The following OR1E1 variants were observed in gnomAD, a reference collection of about 807,000 sequenced individuals.
The protein encoded by OR1E1 is olfactory receptor 1E1.
For missense variants in OR1E1, 330 were observed against 381.0 expected (o/e 0.87, Z 1.11); for synonymous variants, 125 against 153.1 (o/e 0.82, Z 1.36).
In OR1E1 at chr17:3,397,552, G is replaced by A; in HGVS notation, c.859C>T (p.Pro287Ser). 1.2e-6 allele frequency: 2 copies of A among 1,614,090 alleles called. No homozygotes were observed. The highest frequency in any genetic ancestry group is 1.7e-6 in the Non-Finnish European group (2 of 1,180,018). Residue 287 changes from proline (P) to serine (S), a missense_variant, in exon 1 of 1, where the codon CCC becomes TCC. Physicochemically the swap from Pro to Ser is moderately conservative, Grantham distance 74. Coordinates refer to ENST00000322608, the MANE Select transcript of OR1E1 (RefSeq NM_003553.3). ...MYTVVTPMLNPFIYSLRNRDM... is the reference protein window; with the variant it reads ...MYTVVTPMLNSFIYSLRNRDM... ...CTGTTCCTCAGGCTGTAGATGAAGGGGTTCAGCATGGGGGTCACCACAGTG... is the reference window on the plus strand; with the variant it reads ...CTGTTCCTCAGGCTGTAGATGAAGGAGTTCAGCATGGGGGTCACCACAGTG...
rs375092207 is a variant in OR1E1 at position 3,397,277 on chromosome 17, T to C, written c.*189A>G. ...CCTTGGGAAGACAAACAGGAAGTCT[T>C]AGCCAGGTCACCAAGACCCTCTTCC... On this transcript the variant is annotated 3_prime_UTR_variant, in exon 1 of 1. Transcript: ENST00000322608. 25 of 544,676 alleles carry C rather than the reference T, an allele frequency of 4.6e-5. No individual in the cohort carries two copies. Among genetic ancestry groups the C allele is most frequent in the East Asian group, 2.9e-4 (10 of 34,556 alleles). 33.7% of individuals were successfully genotyped at this position (544,676 alleles called of 1,614,324 possible). A position where few individuals can be genotyped will look rare whatever the true frequency, so the allele number is the denominator to read the frequency against.
In OR1E1 at chr17:3,398,373, A is replaced by C; in HGVS notation, c.38T>G (p.Leu13Arg). ...TGGTTGGATGGGCAGGCCCAGGAGCAGGAAGTCTGAGATGCTGGTTTGATT... is the reference window on the plus strand; with the variant it reads ...TGGTTGGATGGGCAGGCCCAGGAGCCGGAAGTCTGAGATGCTGGTTTGATT... ...GQNQTSISDF[L>R]LLGLPIQPEQ... The change falls in exon 1 of 1, where the codon CTG (leucine) becomes CGG (arginine). Residue 13 changes from leucine to arginine, a missense_variant. Coordinates refer to ENST00000322608, the MANE Select transcript of OR1E1 (RefSeq NM_003553.3). The C allele has an allele frequency of 6.2e-7, 1 of 1,610,762 alleles. No individual in the cohort carries two copies. Among genetic ancestry groups the C allele is most frequent in the East Asian group, 2.2e-5 (1 of 44,804 alleles).
chr17:3,398,055 G>A lies in OR1E1; in HGVS notation c.356C>T (p.Ala119Val). ...DLESFLLVAMAYDRYVAICFP... is the reference protein window; with the variant it reads ...DLESFLLVAMVYDRYVAICFP... ...GCAGATGGCCACATAGCGGTCATAGGCCATGGCCACAAGGAGGAAGCTCTC... is the reference window on the plus strand; with the variant it reads ...GCAGATGGCCACATAGCGGTCATAGACCATGGCCACAAGGAGGAAGCTCTC... Residue 119 changes from alanine to valine, a missense_variant, in exon 1 of 1, where the codon GCC becomes GTC. By Grantham distance (64) the Ala-to-Val change is moderately conservative. Transcript: ENST00000322608. 1.2e-6 allele frequency: 2 copies of A among 1,614,220 alleles called. No individual in the cohort carries two copies. Among genetic ancestry groups the A allele is most frequent in the Non-Finnish European group, 1.7e-6 (2 of 1,180,024 alleles).
chr17:3,398,167 A>G lies in OR1E1; in HGVS notation c.244T>C (p.Leu82=), dbSNP rs748067273. Residue 82 remains leucine (L), a synonymous_variant, in exon 1 of 1, where the codon TTA becomes CTA. Coordinates refer to ENST00000322608, the MANE Select transcript of OR1E1 (RefSeq NM_003553.3). ...GGGTCCTGGTTCTGCATGTTCTGTAACAACTTGGGAATGGTCACGGAAGAG... is the reference window on the plus strand; with the variant it reads ...GGGTCCTGGTTCTGCATGTTCTGTAGCAACTTGGGAATGGTCACGGAAGAG... ...CFSSVTIPKL[L]QNMQNQDPSI... 3.7e-6 allele frequency: 6 copies of G among 1,614,118 alleles called. No homozygotes were observed. The South Asian group carries it at 4.4e-5, about 12-fold the overall frequency.
rs1272489627 is a variant in OR1E1, at chr17:3,397,862, A to G, written c.549T>C (p.Ala183=). The G allele has an allele frequency of 6.2e-7, 1 of 1,614,094 alleles. No homozygotes were observed. The highest frequency in any genetic ancestry group is 8.5e-7 in the Non-Finnish European group (1 of 1,180,026). Reference sequence around the variant, plus strand: ...TGTCAGAGAAGGCCAGCTTCAGCAGAGCAGACATATCACAGAAAAAGTGGG... The same window carrying G: ...TGTCAGAGAAGGCCAGCTTCAGCAGGGCAGACATATCACAGAAAAAGTGGG... The part of the protein sequence containing the change: ...VIPHFFCDMS[A]LLKLAFSDTR... The change falls in exon 1 of 1, where the codon GCT becomes GCC. Residue 183 remains alanine (A), a synonymous_variant. Transcript: ENST00000322608.
Position 3,398,234 on chromosome 17 carries a change from C to T in OR1E1, c.177G>A (p.Met59Ile), listed in dbSNP as rs750632198. ...AGGACAAGTTGCTGAGAAACAAATA[C>T]ATAGGCGTGTGGAGATGGGAGTCCA... ...IRLDSHLHTP[M>I]YLFLSNLSFS... Residue 59 changes from methionine (M) to isoleucine (I), a missense_variant, in exon 1 of 1, where the codon ATG (methionine) becomes ATA (isoleucine). Coordinates refer to ENST00000322608, the MANE Select transcript of OR1E1 (RefSeq NM_003553.3). 1 of 1,614,182 alleles carries T rather than the reference C, an allele frequency of 6.2e-7. No individual in the cohort carries two copies. Among genetic ancestry groups the T allele is most frequent in the Non-Finnish European group, 8.5e-7 (1 of 1,180,024 alleles).
Position 3,397,607 on chromosome 17 carries a change from A to C in OR1E1, c.804T>G (p.Thr268=). 3.7e-6 allele frequency: 6 copies of C among 1,614,124 alleles called. No individual in the cohort carries two copies. Among genetic ancestry groups the C allele is most frequent in the Non-Finnish European group, 5.1e-6 (6 of 1,180,030 alleles). ...TCATAGCCATGACAGTGTCCTTTAG[A>C]GTAGAACTATTAGCTGATGAGCATA... is the stretch of plus-strand genomic sequence containing the variant. ...LYLCSSANSS[T]LKDTVMAMMY... The change falls in exon 1 of 1, where the codon ACT becomes ACG. Residue 268 remains threonine (T), a synonymous_variant. Transcript: ENST00000322608.
In OR1E1 at chr17:3,397,897, T is replaced by C. The variant is rs1443745778; in HGVS notation, c.514A>G (p.Asn172Asp). The change falls in exon 1 of 1, where the codon AAT becomes GAT. Residue 172 changes from asparagine (N) to aspartate (D), a missense_variant. Coordinates refer to ENST00000322608, the MANE Select transcript of OR1E1 (RefSeq NM_003553.3). ...LMARLCFCAD[N>D]VIPHFFCDMS... ...TCACAGAAAAAGTGGGGGATCACAT[T>C]GTCTGCACAAAAACACAACCTGGCC... is the stretch of plus-strand genomic sequence containing the variant. 1 of 1,613,988 alleles carries C rather than the reference T, an allele frequency of 6.2e-7. No homozygotes were observed. Among genetic ancestry groups the C allele is most frequent in the African/African-American group, 1.3e-5 (1 of 74,894 alleles).
Position 3,398,175 on chromosome 17 carries a change from G to A in OR1E1, c.236C>T (p.Pro79Leu), listed in dbSNP as rs2049861132. The A allele has an allele frequency of 6.2e-7, 1 of 1,614,106 alleles. No homozygotes were observed. The highest frequency in any genetic ancestry group is 1.7e-5 in the Admixed American group (1 of 60,002). The change falls in exon 1 of 1, where the codon CCC (proline) becomes CTC (leucine). Residue 79 changes from proline (P) to leucine (L), a missense_variant. Coordinates refer to ENST00000322608, the MANE Select transcript of OR1E1 (RefSeq NM_003553.3). Reference protein sequence around the residue: ...SDLCFSSVTIPKLLQNMQNQD... With the variant: ...SDLCFSSVTILKLLQNMQNQD... ...GTTCTGCATGTTCTGTAACAACTTG[G>A]GAATGGTCACGGAAGAGAAGCAGAG...
At position 3,398,334 on chromosome 17, in the gene OR1E1, A is replaced by T. The variant is rs963834833; in HGVS notation, c.77T>A (p.Leu26Gln). ...GLPIQPEQQN[L>Q]CYALFLAMYL... ...CATGGCCAAGAACAGGGCATAGCAC[A>T]GGTTTTGCTGCTCTGGTTGGATGGG... Residue 26 changes from leucine to glutamine, a missense_variant, in exon 1 of 1, where the codon CTG becomes CAG. Physicochemically the swap from Leu to Gln is moderately radical, Grantham distance 113. Transcript: ENST00000322608. 1 of 1,614,106 alleles carries T rather than the reference A, an allele frequency of 6.2e-7. No individual in the cohort carries two copies. Among genetic ancestry groups the T allele is most frequent in the Non-Finnish European group, 8.5e-7 (1 of 1,179,944 alleles).
At position 3,397,401 on chromosome 17, in the gene OR1E1, T is replaced by C. The variant is rs899533824; in HGVS notation, c.*65A>G. 3.4e-6 allele frequency: 4 copies of C among 1,183,096 alleles called. No homozygotes were observed. The highest frequency in any genetic ancestry group is 3.2e-5 in the African/African-American group (2 of 61,910). 73.3% of individuals were successfully genotyped at this position (1,183,096 alleles called of 1,614,324 possible). A position where few individuals can be genotyped will look rare whatever the true frequency, so the allele number is the denominator to read the frequency against. ...AGGATGGTGAGGAAATAATTTAGAA[T>C]AATATTCCAATATTAATATCAATAT... On this transcript the variant is annotated 3_prime_UTR_variant, in exon 1 of 1. Coordinates refer to ENST00000322608, the MANE Select transcript of OR1E1 (RefSeq NM_003553.3).
In OR1E1 at chr17:3,398,293, G is replaced by C; in HGVS notation, c.118C>G (p.Leu40Val). 1.9e-6 allele frequency: 3 copies of C among 1,614,164 alleles called. No homozygotes were observed. Among genetic ancestry groups the C allele is most frequent in the Non-Finnish European group, 2.5e-6 (3 of 1,180,012 alleles). ...LFLAMYLTTL[L>V]GNLLIIVLIR... ...AGGACAATGATGAGGAGGTTCCCCA[G>C]GAGGGTGGTAAGATACATGGCCAAG... is the stretch of plus-strand genomic sequence containing the variant. Residue 40 changes from leucine (L) to valine (V), a missense_variant, in exon 1 of 1, where the codon CTG (leucine) becomes GTG (valine). Transcript: ENST00000322608.
Position 3,398,182 on chromosome 17 carries a change from TC to T in OR1E1, c.228del (p.Thr77ProfsTer22), listed in dbSNP as rs772960469. 5.8e-5 allele frequency: 94 copies of T among 1,614,006 alleles called. No homozygotes were observed. The highest frequency in any genetic ancestry group is 7.2e-5 in the Non-Finnish European group (85 of 1,180,028). ...ATGTTCTGTAACAACTTGGGAATGG[TC>T]ACGGAAGAGAAGCAGAGGTCAGAGA... ...LSFSDLCFSS[V>X]TIPKLLQNMQ... On this transcript the variant is annotated frameshift_variant, in exon 1 of 1. Transcript: ENST00000322608. LOFTEE classifies it low-confidence loss of function (END_TRUNC).
chr17:3,397,417 A>G lies in OR1E1; in HGVS notation c.*49T>C, dbSNP rs2049851634. ...AATTTAGAATAATATTCCAATATTA[A>G]TATCAATATTTTACTGGATAAACTA... On this transcript the variant is annotated 3_prime_UTR_variant, in exon 1 of 1. Coordinates refer to ENST00000322608, the MANE Select transcript of OR1E1 (RefSeq NM_003553.3). 7.9e-7 allele frequency: 1 copy of G among 1,271,514 alleles called. No individual in the cohort carries two copies. The highest frequency in any genetic ancestry group is 1.4e-5 in the South Asian group (1 of 70,912). 78.8% of individuals were successfully genotyped at this position (1,271,514 alleles called of 1,614,324 possible).
In OR1E1 at chr17:3,398,324, G is replaced by A; in HGVS notation, c.87C>T (p.Ala29=). Residue 29 remains alanine, a synonymous_variant, in exon 1 of 1, where the codon GCC becomes GCT. Transcript: ENST00000322608. The part of the protein sequence containing the change: ...IQPEQQNLCY[A]LFLAMYLTTL... Reference sequence around the variant, plus strand: ...TGGTAAGATACATGGCCAAGAACAGGGCATAGCACAGGTTTTGCTGCTCTG... The same window carrying A: ...TGGTAAGATACATGGCCAAGAACAGAGCATAGCACAGGTTTTGCTGCTCTG... The A allele has an allele frequency of 6.2e-7, 1 of 1,614,160 alleles. No individual in the cohort carries two copies. The highest frequency in any genetic ancestry group is 8.5e-7 in the Non-Finnish European group (1 of 1,180,018).
In OR1E1 at chr17:3,397,822, A is replaced by G; in HGVS notation, c.589T>C (p.Trp197Arg). Residue 197 changes from tryptophan (W) to arginine (R), a missense_variant, in exon 1 of 1, where the codon TGG becomes CGG. Transcript: ENST00000322608. ...LAFSDTRVNE[W>R]VIFIMGGLIL... is the part of the protein sequence containing the mutation. ...AGCCCTCCCATGATAAATATCACCC[A>G]TTCATTAACTCGAGTGTCAGAGAAG... The G allele has an allele frequency of 1.2e-6, 2 of 1,614,046 alleles. No individual in the cohort carries two copies. Among genetic ancestry groups the G allele is most frequent in the Non-Finnish European group, 1.7e-6 (2 of 1,179,900 alleles).
Position 3,398,001 on chromosome 17 carries a change from C to T in OR1E1, c.410G>A (p.Ser137Asn), listed in dbSNP as rs755547462. ...CFPLHYTAIM[S>N]PMLCLALVAL... ...CACCAGGGCGAGACAGAGCATGGGG[C>T]TCATGATGGCGGTGTAGTGCAGGGG... Residue 137 changes from serine to asparagine, a missense_variant, in exon 1 of 1, where the codon AGC becomes AAC. Physicochemically the swap from Ser to Asn is conservative, Grantham distance 46. Coordinates refer to ENST00000322608, the MANE Select transcript of OR1E1 (RefSeq NM_003553.3). The T allele has an allele frequency of 3.1e-6, 5 of 1,614,034 alleles. No individual in the cohort carries two copies. In the African/African-American group the frequency reaches 5.3e-5, roughly 17 times the overall value.
rs758412686 is a variant in OR1E1 at position 3,397,358 on chromosome 17, C to A, written c.*108G>T. ...CCACTACATATTGAAAAATTATGTA[C>A]GATGCCATTTCAACAAAAGGATGGT... On this transcript the variant is annotated 3_prime_UTR_variant, in exon 1 of 1. Coordinates refer to ENST00000322608, the MANE Select transcript of OR1E1 (RefSeq NM_003553.3). The A allele has an allele frequency of 4.5e-6, 4 of 894,922 alleles. No individual in the cohort carries two copies. The highest frequency in any genetic ancestry group is 6.7e-6 in the Non-Finnish European group (4 of 595,770). 55.4% of individuals were successfully genotyped at this position (894,922 alleles called of 1,614,324 possible). A position where few individuals can be genotyped will look rare whatever the true frequency, so the allele number is the denominator to read the frequency against.
Position 3,397,649 on chromosome 17 carries a change from G to C in OR1E1, c.762C>G (p.Thr254=), listed in dbSNP as rs58631068. The part of the protein sequence containing the change: ...HLSVVSLFYG[T]VIGLYLCSSA... ...ATGAGCATAAGTAGAGACCAATAAC[G>C]GTTCCATAGAACAGTGACACCACAG... Residue 254 remains threonine (T), a synonymous_variant, in exon 1 of 1, where the codon ACC becomes ACG. Transcript: ENST00000322608. The C allele has an allele frequency of 1.4e-5, 22 of 1,613,784 alleles. No homozygotes were observed. In the African/African-American group the frequency reaches 2.0e-4, roughly 15 times the overall value.
Sources: gnomAD v4.1 joint callset for allele counts on GRCh38, gnomAD v4.1.1 for gene constraint, MANE v1.5 for transcripts, NCBI Gene and HGNC (gene_info 2026-07-23, HGNC 2026-07-21) for gene names.